Variants in SLC29A1 observed in about 807,000 individuals in gnomAD.
SLC29A1 encodes the protein solute carrier family 29 member 1 (Augustine blood group), also known as equilibrative nucleoside transporter 1.
A neutral mutation model predicts 48.3 loss-of-function variants in SLC29A1; 22 were observed. The ratio of observed to expected loss-of-function variants is 0.46; its 90% confidence interval spans 0.33 to 0.65. The LOEUF (loss-of-function observed/expected upper bound fraction) is 0.65. SLC29A1 is among the 30% of genes least tolerant of loss of function. The pLI is 0.03. For missense variants in SLC29A1, 491 were observed against 575.3 expected (o/e 0.85, Z 1.50); for synonymous variants, 228 against 231.0 (o/e 0.99, Z 0.12).
At position 44,226,812 on chromosome 6, in the gene SLC29A1, C is replaced by A. The variant is rs1245735391; in HGVS notation, c.-51-451C>A. On this transcript the variant is annotated intron_variant, in intron 1 of 12. Coordinates refer to ENST00000371755, the MANE Select transcript of SLC29A1 (RefSeq NM_001372327.1). ...CCTGTTCCGTGTCCTTCCTCCTCCTCCCCCGACCTCTTTGCTGTGTCTCCT... is the reference window on the plus strand; with the variant it reads ...CCTGTTCCGTGTCCTTCCTCCTCCTACCCCGACCTCTTTGCTGTGTCTCCT... 3.0e-6 allele frequency: 3 copies of A among 1,014,328 alleles called. No homozygotes were observed. The African/African-American group carries it at 5.2e-5, about 17-fold the overall frequency. 62.8% of individuals were successfully genotyped at this position (1,014,328 alleles called of 1,614,324 possible).
intron 12 of SLC29A1, among the ~76,000 whole-genome samples, 195 bp from the exon 13 acceptor site, chr6:44,233,222 G>A (rs1159002852): frequency 2.0e-5 from 3 of 152,180 alleles, no homozygotes; most frequent in Admixed American, 2.0e-4. Flanking sequence ...TTGCAGGAAG[G>A]AGTGAAAGAC....
rs1161542475 is a variant in SLC29A1 at position 44,223,647 on chromosome 6, G to A, written c.-52+6G>A. The A allele has an allele frequency of 3.3e-6, 4 of 1,204,196 alleles. No homozygotes were observed. Among genetic ancestry groups the A allele is most frequent in the Non-Finnish European group, 4.2e-6 (4 of 945,768 alleles). The allele number at this position is 1,204,196 out of a possible 1,614,324, so 74.6% of individuals were successfully genotyped here. A position where few individuals can be genotyped will look rare whatever the true frequency, so the allele number is the denominator to read the frequency against. On this transcript the variant is annotated splice_donor_region_variant and intron_variant, in intron 1 of 12. Transcript: ENST00000371755. The surrounding 1 kb of genome is among the most constrained non-coding windows in gnomAD (Gnocchi z 5.0). The stretch of plus-strand genomic sequence containing the variant: ...GAGCAGTGCTTCTGCGGCAGGTGCT[G>A]CCCGGGGCCGGGGACTGGGGACTGG...
chr6:44,226,940 C>T (rs952423591), intron 1 of SLC29A1: 1 of 1,088,208 alleles, frequency 9.2e-7, no homozygotes. Flanking sequence ...CATCTTTCCT[C>T]CTCCTTCCCT....
chr6:44,229,865 C>G lies in SLC29A1; in HGVS notation c.315-42C>G. 1 of 1,611,760 alleles carries G rather than the reference C, an allele frequency of 6.2e-7. No homozygotes were observed. Among genetic ancestry groups the G allele is most frequent in the Non-Finnish European group, 8.5e-7 (1 of 1,179,800 alleles). ...CTGCACCCCCTTGGCTGAGCCCCAG[C>G]TTTGCCCACTTGTCTCTGCCACCCT... On this transcript the variant is annotated intron_variant, in intron 4 of 12. Coordinates refer to ENST00000371755, the MANE Select transcript of SLC29A1 (RefSeq NM_001372327.1). The surrounding 1 kb of genome is among the most constrained non-coding windows in gnomAD (Gnocchi z 5.1).
Position 44,230,357 on chromosome 6 carries a change from C to T in SLC29A1, c.465C>T (p.Ala155=). 1.2e-6 allele frequency: 2 copies of T among 1,611,708 alleles called. No individual in the cohort carries two copies. The highest frequency in any genetic ancestry group is 1.7e-6 in the Non-Finnish European group (2 of 1,178,054). Residue 155 remains alanine (A), a synonymous_variant, in exon 6 of 13, where the codon GCC becomes GCT. Coordinates refer to ENST00000371755, the MANE Select transcript of SLC29A1 (RefSeq NM_001372327.1). The part of the protein sequence containing the change: ...IKIVLINSFG[A]ILQGSLFGLA... ...GCCCTGTTTCCCCAGCATTTGGTGCCATCCTGCAGGGCAGCCTGTTTGGTC... is the reference window on the plus strand; with the variant it reads ...GCCCTGTTTCCCCAGCATTTGGTGCTATCCTGCAGGGCAGCCTGTTTGGTC...
chr6:44,221,735 A>T (rs748553648), upstream of SLC29A1: 2 of 981,666 alleles, frequency 2.0e-6, no homozygotes, highest in South Asian at 2.7e-5. The surrounding 1 kb of genome is among the most constrained non-coding windows in gnomAD (Gnocchi z 4.2). Flanking sequence ...GCACCCAGCA[A>T]CCTCTGCTTG....
chr6:44,227,225 G>A (rs1275169400), intron 1 of SLC29A1, 38 bp from the exon 2 acceptor site: 3 of 1,591,178 alleles, frequency 1.9e-6, no homozygotes, highest in East Asian at 2.3e-5. Context: ...CTATGGCAGG[G>A]CCAAGACAGG....
rs1779031709 is a variant in SLC29A1 at position 44,232,126 on chromosome 6, C to T, written c.973+20C>T. On this transcript the variant is annotated intron_variant, in intron 10 of 12. Coordinates refer to ENST00000371755, the MANE Select transcript of SLC29A1 (RefSeq NM_001372327.1). The surrounding 1 kb of genome is among the most constrained non-coding windows in gnomAD (Gnocchi z 4.7). ...CCTGGGGTGAGGATGCCACAGGTTT[C>T]CAGGATGGGAACAGACAGGATCTTG... The T allele has an allele frequency of 6.4e-7, 1 of 1,570,580 alleles. No homozygotes were observed. The highest frequency in any genetic ancestry group is 1.7e-5 in the Admixed American group (1 of 59,938).
chr6:44,223,995 C>T lies in SLC29A1; in HGVS notation c.-52+354C>T. 7.3e-6 allele frequency: 7 copies of T among 957,738 alleles called. No individual in the cohort carries two copies. The highest frequency in any genetic ancestry group is 8.7e-6 in the Non-Finnish European group (7 of 805,246). 59.3% of individuals were successfully genotyped at this position (957,738 alleles called of 1,614,324 possible). On this transcript the variant is annotated intron_variant, in intron 1 of 12. Coordinates refer to ENST00000371755, the MANE Select transcript of SLC29A1 (RefSeq NM_001372327.1). The surrounding 1 kb of genome is among the most constrained non-coding windows in gnomAD (Gnocchi z 5.0). ...GGGGCCGTGCCGCTGACTGCGCTGG[C>T]GGAGGGGTATGGGGATGGGGATGGG...
upstream of SLC29A1, chr6:44,219,647 G>A: frequency 8.1e-7 from 1 of 1,240,080 alleles, no homozygotes; most frequent in Non-Finnish European, 1.1e-6. Context: ...CACCGGTCAG[G>A]CCCGGCGCGG....
chr6:44,219,668 C>T (rs1020337189), upstream of SLC29A1: 364 of 1,277,608 alleles, frequency 2.8e-4, 1 homozygote, highest in Middle Eastern at 8.8e-4. Context: ...GCTGCGCTCT[C>T]CAGCTGTGGC....
intron 9 of SLC29A1, among the ~76,000 whole-genome samples, chr6:44,231,685 A>G (rs1778925344): frequency 6.6e-6 from 1 of 151,928 alleles, no homozygotes; most frequent in Admixed American, 6.6e-5. Flanking sequence ...CTGGAGTGCA[A>G]TGGTGCAATC....
chr6:44,223,458 G>T (rs1052578435), upstream of SLC29A1: 2 of 844,858 alleles, frequency 2.4e-6, no homozygotes, highest in Non-Finnish European at 2.9e-6. The surrounding 1 kb of genome is among the most constrained non-coding windows in gnomAD (Gnocchi z 5.0). Context: ...GCGGCGGAGC[G>T]CGCGGAGTCG....
chr6:44,233,618 GT>G lies in SLC29A1; in HGVS notation c.*96del. On this transcript the variant is annotated 3_prime_UTR_variant, in exon 13 of 13. Coordinates refer to ENST00000371755, the MANE Select transcript of SLC29A1 (RefSeq NM_001372327.1). ...AGGGGTGATCCTGAGTGGTCTGGCG[GT>G]TTTTTCTTCTAACTGACTTCTGCTT... 1 of 1,068,658 alleles carries G rather than the reference GT, an allele frequency of 9.4e-7. No homozygotes were observed. Among genetic ancestry groups the G allele is most frequent in the Admixed American group, 1.8e-5 (1 of 54,450 alleles). 66.2% of individuals were successfully genotyped at this position (1,068,658 alleles called of 1,614,324 possible).
At chr6:44,227,106 T>C in intron 1 of SLC29A1, 157 bp from the exon 2 acceptor site, 1 of 1,378,480 alleles carries the variant, frequency 7.3e-7, no homozygotes, top group South Asian at 1.6e-5. Flanking sequence ...TGGGTGGGGG[T>C]CAAGTTGAGT....
At chr6:44,224,537 A>G (rs1251829090) in intron 1 of SLC29A1, among the ~76,000 whole-genome samples, 2 of 152,066 alleles carry the variant, frequency 1.3e-5, no homozygotes, top group Non-Finnish European at 2.9e-5. Context: ...GAGCTTGAAC[A>G]TTTAATATGG....
chr6:44,231,488 C>T lies in SLC29A1; in HGVS notation c.864+27C>T, dbSNP rs781748975. The T allele has an allele frequency of 5.7e-6, 8 of 1,413,124 alleles. No homozygotes were observed. In the Admixed American group the frequency reaches 1.4e-4, roughly 25 times the overall value. The allele number at this position is 1,413,124 out of a possible 1,614,324, so 87.5% of individuals were successfully genotyped here. A position where few individuals can be genotyped will look rare whatever the true frequency, so the allele number is the denominator to read the frequency against. On this transcript the variant is annotated intron_variant, in intron 9 of 12. Transcript: ENST00000371755. ...TACGTAGGGGAGGTTATCCTATCTTCTACCCCTTGTCCTCTTTCTCTCCTC... is the reference window on the plus strand; with the variant it reads ...TACGTAGGGGAGGTTATCCTATCTTTTACCCCTTGTCCTCTTTCTCTCCTC...
chr6:44,232,900 T>G lies in SLC29A1; in HGVS notation c.1153T>G (p.Tyr385Asp), dbSNP rs746487700. The change falls in exon 12 of 13, where the codon TAC becomes GAC. Residue 385 changes from tyrosine to aspartate, a missense_variant. By Grantham distance (160) the Tyr-to-Asp change is radical. Coordinates refer to ENST00000371755, the MANE Select transcript of SLC29A1 (RefSeq NM_001372327.1). This position sits in a 1 kb window ranked among gnomAD's most constrained non-coding sequence, Gnocchi z 4.7. ...GCTGTGCAACATTAAGCCCCGCCGC[T>G]ACCTGACTGTGGTCTTCGAGCACGA... Reference protein sequence around the residue: ...LLLCNIKPRRYLTVVFEHDAW... With the variant: ...LLLCNIKPRRDLTVVFEHDAW... The G allele has an allele frequency of 2.5e-6, 4 of 1,614,086 alleles. No individual in the cohort carries two copies. In the Admixed American group the frequency reaches 6.7e-5, roughly 27 times the overall value.
At position 44,232,298 on chromosome 6, in the gene SLC29A1, C is replaced by G. The variant is rs774977349; in HGVS notation, c.974-45C>G. Reference sequence around the variant, plus strand: ...CCAGTGAAGGTTAGGCTTGCTATACCTGCCTCTGTGAGCCTGATAACCACC... The same window carrying G: ...CCAGTGAAGGTTAGGCTTGCTATACGTGCCTCTGTGAGCCTGATAACCACC... On this transcript the variant is annotated intron_variant, in intron 10 of 12. Coordinates refer to ENST00000371755, the MANE Select transcript of SLC29A1 (RefSeq NM_001372327.1). The surrounding 1 kb of genome is among the most constrained non-coding windows in gnomAD (Gnocchi z 4.7). 7.2e-7 allele frequency: 1 copy of G among 1,394,892 alleles called. No homozygotes were observed. Among genetic ancestry groups the G allele is most frequent in the Non-Finnish European group, 1.0e-6 (1 of 979,912 alleles). 86.4% of individuals were successfully genotyped at this position (1,394,892 alleles called of 1,614,324 possible).
Sources: gnomAD v4.1 joint callset for allele counts (sites outside exome capture counted in the v4.1 genomes callset) on GRCh38, gnomAD v4.1.1 for gene constraint, Gnocchi (gnomAD v3.1) non-coding constraint, MANE v1.5 for transcripts, NCBI Gene and HGNC (gene_info 2026-07-23, HGNC 2026-07-21) for gene names.